The following VIPR2 variants were observed in gnomAD, a reference collection of about 807,000 sequenced individuals.
The protein encoded by VIPR2 is vasoactive intestinal peptide receptor 2.
A neutral mutation model predicts 58.0 loss-of-function variants in VIPR2; 48 were observed. That is an observed-to-expected ratio of 0.83 (90% confidence interval 0.66 to 1.05). The LOEUF (loss-of-function observed/expected upper bound fraction) is 1.05, where lower values mean the gene tolerates loss of function less well. Ranked by LOEUF, VIPR2 falls within the 50% of genes least tolerant of loss-of-function variation. The pLI, the probability that VIPR2 is intolerant of heterozygous loss-of-function variation, is 0.00. For missense variants in VIPR2, 534 were observed against 558.0 expected (o/e 0.96, Z 0.43); for synonymous variants, 243 against 235.2 (o/e 1.03, Z -0.30).
chr7:159,134,924 T>C (rs1797139189), intron 2 of VIPR2, among the ~76,000 whole-genome samples: 1 of 151,110 alleles, frequency 6.6e-6, no homozygotes, highest in Non-Finnish European at 1.5e-5. Flanking sequence ...CCCAAAGTGC[T>C]GGGATTACAG....
intron 5 of VIPR2, among the ~76,000 whole-genome samples, chr7:159,054,558 T>C (rs117454357): frequency 0.013 from 2,023 of 152,344 alleles, 20 homozygotes; most frequent in South Asian, 0.023. Flanking sequence ...TTAAAATGTA[T>C]GAACTCATTT....
chr7:159,094,906 G>A (rs768633832), intron 4 of VIPR2, among the ~76,000 whole-genome samples: 3 of 152,156 alleles, frequency 2.0e-5, no homozygotes, highest in Non-Finnish European at 2.9e-5. Context: ...ATTAAAAAAG[G>A]CAACTGACCT....
In VIPR2 at chr7:159,096,012, C is replaced by G. The variant is rs137923836; in HGVS notation, c.357+7745G>C. On this transcript the variant is annotated intron_variant, in intron 4 of 12. Coordinates refer to ENST00000262178, the MANE Select transcript of VIPR2 (RefSeq NM_003382.5). The surrounding 1 kb of genome is among the most constrained non-coding windows in gnomAD (Gnocchi z 5.5). Reference sequence around the variant, plus strand: ...GGGCTCCTGGCAACAAGCTGCAGGACGCACACCTTCTCAGAACCAGCGCCC... The same window carrying G: ...GGGCTCCTGGCAACAAGCTGCAGGAGGCACACCTTCTCAGAACCAGCGCCC... Among the ~76,000 whole-genome samples the G allele has an allele frequency of 6.6e-6, 1 of 152,116 alleles. No individual in the cohort carries two copies. The highest frequency in any genetic ancestry group is 2.4e-5 in the African/African-American group (1 of 41,416).
chr7:159,070,373 C>A (rs1204723622), intron 4 of VIPR2, among the ~76,000 whole-genome samples: 1 of 151,968 alleles, frequency 6.6e-6, no homozygotes, highest in Admixed American at 6.6e-5. Context: ...TTCTTGAAAT[C>A]CCAGCTACAC....
intron 4 of VIPR2, among the ~76,000 whole-genome samples, chr7:159,078,997 C>G (rs1046035907): frequency 2.6e-5 from 4 of 152,098 alleles, no homozygotes; most frequent in Non-Finnish European, 5.9e-5. Flanking sequence ...AAGCAACAAC[C>G]TGGAGGGCCC....
At chr7:159,032,722 T>C (rs1188612783) in intron 10 of VIPR2, among the ~76,000 whole-genome samples, 1 of 152,138 alleles carries the variant, frequency 6.6e-6, no homozygotes, top group Non-Finnish European at 1.5e-5. Flanking sequence ...CTCGGCCTTT[T>C]CTGTTGTCCT....
At chr7:159,140,913 A>G (rs1317584587) in intron 2 of VIPR2, among the ~76,000 whole-genome samples, 1 of 151,738 alleles carries the variant, frequency 6.6e-6, no homozygotes, top group East Asian at 1.9e-4. Context: ...GAGCCATCAG[A>G]TGGCTCCAGG....
intron 4 of VIPR2, among the ~76,000 whole-genome samples, chr7:159,062,516 G>A (rs1351880863): frequency 6.6e-6 from 1 of 152,028 alleles, no homozygotes; most frequent in Non-Finnish European, 1.5e-5. Flanking sequence ...CTCTTAAGGC[G>A]GCCCCTCTCT....
At chr7:159,084,260 G>A (rs1271539331) in intron 4 of VIPR2, among the ~76,000 whole-genome samples, 7 of 152,232 alleles carry the variant, frequency 4.6e-5, no homozygotes, top group East Asian at 3.9e-4. Flanking sequence ...TTGGCAGGCC[G>A]CACGAGGTGT....
chr7:159,051,404 T>A (rs540200199), intron 5 of VIPR2, among the ~76,000 whole-genome samples: 3 of 152,084 alleles, frequency 2.0e-5, no homozygotes, highest in African/African-American at 7.2e-5. Flanking sequence ...ACTAGAAGAA[T>A]AGTAACAATC....
At chr7:159,102,306 C>T (rs951039131) in intron 4 of VIPR2, among the ~76,000 whole-genome samples, 2 of 152,228 alleles carry the variant, frequency 1.3e-5, no homozygotes, top group Non-Finnish European at 2.9e-5. Flanking sequence ...TCCCTTTTCG[C>T]TTGACTCTGA....
In VIPR2 at chr7:159,058,535, T is replaced by C. The variant is rs1855454864; in HGVS notation, c.401A>G (p.Tyr134Cys). ...TGCAAGAGACATCAGAGAGACACTG[T>C]AGCCCAGTGTATAAATGGCCTTCAC... ...ILVKAIYTLG[Y>C]SVSLMSLATG... Residue 134 changes from tyrosine (Y) to cysteine (C), a missense_variant, in exon 5 of 13, where the codon TAC (tyrosine) becomes TGC (cysteine). Transcript: ENST00000262178. 2 of 1,613,648 alleles carry C rather than the reference T, an allele frequency of 1.2e-6. No individual in the cohort carries two copies. Among genetic ancestry groups the C allele is most frequent in the Non-Finnish European group, 1.7e-6 (2 of 1,179,572 alleles).
chr7:159,088,044 G>A lies in VIPR2; in HGVS notation c.357+15713C>T, dbSNP rs577273374. On this transcript the variant is annotated intron_variant, in intron 4 of 12. Coordinates refer to ENST00000262178, the MANE Select transcript of VIPR2 (RefSeq NM_003382.5). ...CTGTGGCTGGCTGGGGGCCCCAATC[G>A]GTGCCCACCCGACCCCTGAAGGCAC... Among the ~76,000 whole-genome samples the A allele has an allele frequency of 1.5e-3, 226 of 152,342 alleles. 3 individuals are homozygous for A. The highest frequency in any genetic ancestry group is 0.01 in the Middle Eastern group (3 of 294).
chr7:159,112,431 C>T (rs1563338907), intron 2 of VIPR2, among the ~76,000 whole-genome samples: 2 of 152,238 alleles, frequency 1.3e-5, no homozygotes, highest in Non-Finnish European at 2.9e-5. Context: ...CAACAGCTGC[C>T]AGGCGGGAAC....
rs931222066 is a variant in VIPR2 at position 159,049,395 on chromosome 7, G to A, written c.456-6219C>T. On this transcript the variant is annotated intron_variant, in intron 5 of 12. Transcript: ENST00000262178. ...TGTGGGGACCAAAGGGCTGGACTCT[G>A]GGGAGAAGGCAAGGGCACTGTGGGG... 4.6e-5 allele frequency among the ~76,000 whole-genome samples: 7 copies of A among 152,182 alleles called. 1 individual carries two copies. The highest frequency in any genetic ancestry group is 3.9e-4 in the Admixed American group (6 of 15,282).
chr7:159,039,605 C>T (rs7455207), intron 6 of VIPR2, among the ~76,000 whole-genome samples: 2 of 12,252 alleles, frequency 1.6e-4, no homozygotes, highest in African/African-American at 4.9e-4. Context: ...TAGTGGGTGG[C>T]GCTTTGCGAT....
Position 159,099,123 on chromosome 7 carries a change from C to T in VIPR2, c.357+4634G>A, listed in dbSNP as rs1241518935. On this transcript the variant is annotated intron_variant, in intron 4 of 12. Transcript: ENST00000262178. The surrounding 1 kb of genome is among the most constrained non-coding windows in gnomAD (Gnocchi z 4.2). Reference sequence around the variant, plus strand: ...AGTATTCAACGAGCAGAAACTGCAACAGGAAGAAAAATTATTCATTTTGGT... The same window carrying T: ...AGTATTCAACGAGCAGAAACTGCAATAGGAAGAAAAATTATTCATTTTGGT... Among the ~76,000 whole-genome samples the T allele has an allele frequency of 6.6e-6, 1 of 152,250 alleles. No individual in the cohort carries two copies. The highest frequency in any genetic ancestry group is 1.5e-5 in the Non-Finnish European group (1 of 68,046).
At chr7:159,140,552 G>A (rs542199603) in intron 2 of VIPR2, among the ~76,000 whole-genome samples, 3 of 152,366 alleles carry the variant, frequency 2.0e-5, no homozygotes, top group East Asian at 1.9e-4. Context: ...AGGTAAAACA[G>A]ATCAGATACA....
In VIPR2 at chr7:159,096,636, A is replaced by C. The variant is rs759066786; in HGVS notation, c.357+7121T>G. 6.6e-6 allele frequency among the ~76,000 whole-genome samples: 1 copy of C among 152,182 alleles called. No homozygotes were observed. Among genetic ancestry groups the C allele is most frequent in the Non-Finnish European group, 1.5e-5 (1 of 68,032 alleles). On this transcript the variant is annotated intron_variant, in intron 4 of 12. Transcript: ENST00000262178. The surrounding 1 kb of genome is among the most constrained non-coding windows in gnomAD (Gnocchi z 5.5). ...CCGTATCTCCTTTGGCCCTGAAAAG[A>C]CTCATCCATTTATTTGGAAAGTATT...
Sources: allele counts gnomAD v4.1 joint callset (sites outside exome capture counted in the v4.1 genomes callset), GRCh38; gene constraint gnomAD v4.1.1; non-coding constraint Gnocchi (gnomAD v3.1); transcripts MANE v1.5; gene names NCBI Gene and HGNC (gene_info 2026-07-23, HGNC 2026-07-21).